ITGB3BP: variants seen among roughly 807,000 people sequenced by gnomAD.
ITGB3BP encodes the protein centromere protein R.
A neutral mutation model predicts 29.1 loss-of-function variants in ITGB3BP; 27 were observed. That is an observed-to-expected ratio of 0.93 (90% CI 0.68 to 1.28). ITGB3BP has a LOEUF of 1.28. ITGB3BP is among the 50% of genes most tolerant of loss of function. The probability of loss-of-function intolerance (pLI) is 0.00; values close to 1 mark genes in which losing one functional copy is unlikely to be tolerated. For synonymous variants in ITGB3BP, 61 were observed against 61.4 expected (o/e 0.99, Z 0.03); for missense variants, 192 against 200.2 (o/e 0.96, Z 0.25).
chr1:63,460,780 TTTG>T (rs1379324802), intron 4 of ITGB3BP, among the ~76,000 whole-genome samples: 1 of 152,188 alleles, frequency 6.6e-6, no homozygotes, highest in African/African-American at 2.4e-5. Context: ...CTTGCCAATA[TTTG>T]TTATTTTCCA....
chr1:63,500,309 C>T (rs75518449), intron 2 of ITGB3BP, among the ~76,000 whole-genome samples: 9 of 152,076 alleles, frequency 5.9e-5, no homozygotes, highest in Admixed American at 2.6e-4. Context: ...ACCCAGGAGG[C>T]GGAGGTTGCA....
chr1:63,476,711 C>T (rs1016360637), intron 4 of ITGB3BP, among the ~76,000 whole-genome samples: 1 of 152,234 alleles, frequency 6.6e-6, no homozygotes, highest in African/African-American at 2.4e-5. Flanking sequence ...TCTGGTATCA[C>T]TTTTGTCCAA....
intron 1 of ITGB3BP, chr1:63,509,980 G>A (rs1646162399): frequency 4.7e-6 from 2 of 423,218 alleles, no homozygotes; most frequent in Non-Finnish European, 4.2e-6. Context: ...ATCACCTGAC[G>A]TCAGGAGTTC....
intron 3 of ITGB3BP, among the ~76,000 whole-genome samples, chr1:63,487,374 TA>T (rs1645551120): frequency 6.6e-6 from 1 of 151,984 alleles, no homozygotes. Context: ...GGCAGCAAAA[TA>T]ATGTACATAC....
chr1:63,500,749 C>T (rs969332069), intron 2 of ITGB3BP, among the ~76,000 whole-genome samples: 4 of 151,916 alleles, frequency 2.6e-5, no homozygotes, highest in Non-Finnish European at 5.9e-5. Context: ...ATCAAAATTC[C>T]AATGCCTTTT....
At chr1:63,504,864 C>T (rs1646034514) in intron 2 of ITGB3BP, among the ~76,000 whole-genome samples, 1 of 152,174 alleles carries the variant, frequency 6.6e-6, no homozygotes, top group Admixed American at 6.5e-5. Context: ...ATGAGGCCCA[C>T]TTGATCATGG....
chr1:63,478,202 C>T (rs1645374469), intron 4 of ITGB3BP, among the ~76,000 whole-genome samples: 1 of 152,178 alleles, frequency 6.6e-6, no homozygotes. Context: ...TTCAATTTGT[C>T]ATTGGTTGAA....
chr1:63,527,033 G>A (rs1026705221), upstream of ITGB3BP, among the ~76,000 whole-genome samples: 2 of 152,172 alleles, frequency 1.3e-5, no homozygotes, highest in African/African-American at 4.8e-5. Flanking sequence ...CCAAAGTGCT[G>A]GCATTATAGG....
At chr1:63,464,271 T>C (rs959260639) in intron 4 of ITGB3BP, among the ~76,000 whole-genome samples, 3 of 152,208 alleles carry the variant, frequency 2.0e-5, no homozygotes, top group Non-Finnish European at 2.9e-5. Context: ...AATTTGACTA[T>C]ATATCTTTAG....
At chr1:63,503,196 T>C (rs534594987) in intron 2 of ITGB3BP, among the ~76,000 whole-genome samples, 292 of 152,286 alleles carry the variant, frequency 1.9e-3, no homozygotes, top group African/African-American at 6.7e-3. Context: ...GACTTTTTAA[T>C]GATTGCCATT....
At chr1:63,496,221 T>A (rs143304905) in intron 2 of ITGB3BP, among the ~76,000 whole-genome samples, 461 of 151,932 alleles carry the variant, frequency 3.0e-3, no homozygotes, top group African/African-American at 0.011. Flanking sequence ...GCCTCCTGAG[T>A]AATTGGGACG....
intron 7 of ITGB3BP, among the ~76,000 whole-genome samples, chr1:63,450,572 G>C (rs1339769105): frequency 6.6e-6 from 1 of 151,906 alleles, no homozygotes; most frequent in African/African-American, 2.4e-5. Flanking sequence ...ATGATAATGT[G>C]ACATTTCATC....
At chr1:63,473,377 CCCGT>C (rs1166663576) in intron 4 of ITGB3BP, among the ~76,000 whole-genome samples, 1 of 149,696 alleles carries the variant, frequency 6.7e-6, no homozygotes, top group South Asian at 2.1e-4. Flanking sequence ...GGCCAGCCGC[CCCGT>C]CCGGGAGGTG....
chr1:63,512,668 T>C (rs1156487228), intron 1 of ITGB3BP, among the ~76,000 whole-genome samples: 1 of 152,058 alleles, frequency 6.6e-6, no homozygotes, highest in African/African-American at 2.4e-5. Context: ...CTTCATAAAG[T>C]TGATAATAAC....
intron 2 of ITGB3BP, among the ~76,000 whole-genome samples, chr1:63,497,597 C>G (rs961305369): frequency 8.5e-5 from 13 of 152,162 alleles, no homozygotes; most frequent in African/African-American, 3.1e-4. Context: ...GTATCTAAGT[C>G]ACTCAGGAGC....
intron 1 of ITGB3BP, among the ~76,000 whole-genome samples, chr1:63,512,848 C>G (rs771604766): frequency 4.6e-5 from 7 of 152,154 alleles, no homozygotes; most frequent in Non-Finnish European, 7.4e-5. Context: ...TCTTAGAAAT[C>G]CTTTGATGAA....
chr1:63,464,497 A>G (rs1158641161), intron 4 of ITGB3BP, among the ~76,000 whole-genome samples: 1 of 152,210 alleles, frequency 6.6e-6, no homozygotes, highest in Non-Finnish European at 1.5e-5. Flanking sequence ...CTATGAACAG[A>G]TGAATTTTTA....
At chr1:63,503,597 T>A (rs953989275) in intron 2 of ITGB3BP, among the ~76,000 whole-genome samples, 20 of 152,196 alleles carry the variant, frequency 1.3e-4, no homozygotes, top group Non-Finnish European at 2.5e-4. Flanking sequence ...CATGCCTATG[T>A]CCTGAATGGT....
At chr1:63,475,548 C>G (rs888091718) in intron 4 of ITGB3BP, among the ~76,000 whole-genome samples, 4 of 152,024 alleles carry the variant, frequency 2.6e-5, no homozygotes, top group Non-Finnish European at 5.9e-5. Flanking sequence ...GAGCATGACT[C>G]TGTTTCTTAA....
Sources: gnomAD v4.1 joint callset for allele counts (sites outside exome capture counted in the v4.1 genomes callset) on GRCh38, gnomAD v4.1.1 for gene constraint, MANE v1.5 for transcripts, NCBI Gene and HGNC (gene_info 2026-07-23, HGNC 2026-07-21) for gene names.